STPG2: variants seen among roughly 807,000 people sequenced by gnomAD.
STPG2 encodes the protein sperm tail PG-rich repeat containing 2.
STPG2 carries 56 observed loss-of-function variants against 54.2 expected under a neutral mutation model. The observed-to-expected ratio is 1.03, with a 90% CI of 0.83 to 1.29. The LOEUF (loss-of-function observed/expected upper bound fraction) is 1.29. Ranked by LOEUF, STPG2 falls within the 50% of genes most tolerant of loss-of-function variation. The pLI is 0.00. For synonymous variants in STPG2, 200 were observed against 181.8 expected (o/e 1.10, Z -0.81); for missense variants, 596 against 544.9 (o/e 1.09, Z -0.93).
In STPG2 at chr4:97,606,920, T is replaced by C. The variant is rs1452061950; in HGVS notation, c.1321-47803A>G. On this transcript the variant is annotated intron_variant, in intron 10 of 10. Transcript: ENST00000295268. ...TAAATTTCAAATGTACTGGCACTTA[T>C]AGGCTAAAATTCATATCAGATGTAC... 4.6e-5 allele frequency among the ~76,000 whole-genome samples: 7 copies of C among 152,148 alleles called. No individual in the cohort carries two copies. The South Asian group carries it at 6.2e-4, about 14-fold the overall frequency.
At chr4:97,714,637 G>A (rs1310662040) in intron 9 of STPG2, among the ~76,000 whole-genome samples, 3 of 152,006 alleles carry the variant, frequency 2.0e-5, no homozygotes, top group African/African-American at 2.4e-5. Flanking sequence ...TATTTATAGT[G>A]CAGAGGAATA....
chr4:97,546,655 C>T (rs994066772), intron 4 of STPG2, among the ~76,000 whole-genome samples: 1 of 152,018 alleles, frequency 6.6e-6, no homozygotes, highest in African/African-American at 2.4e-5. Context: ...TTATTTGCAT[C>T]CAATGTTGCT....
At chr4:97,961,320 A>C (rs1733881345) in intron 7 of STPG2, among the ~76,000 whole-genome samples, 1 of 152,124 alleles carries the variant, frequency 6.6e-6, no homozygotes, top group Non-Finnish European at 1.5e-5. Context: ...AGAACCCAAA[A>C]ACAAATGCAA....
At chr4:97,983,235 T>G (rs1370573881) in intron 5 of STPG2, among the ~76,000 whole-genome samples, 1 of 152,246 alleles carries the variant, frequency 6.6e-6, no homozygotes. Context: ...CTCTTCCTTG[T>G]GATTTTTTAA....
chr4:97,461,846 T>C (rs1444197853), intron 4 of STPG2, among the ~76,000 whole-genome samples: 1 of 152,184 alleles, frequency 6.6e-6, no homozygotes, highest in Non-Finnish European at 1.5e-5. Context: ...CATTTCTAGA[T>C]TCATTTCTAG....
At chr4:97,755,736 GCTCT>G (rs754039520) in intron 9 of STPG2, among the ~76,000 whole-genome samples, 7 of 152,066 alleles carry the variant, frequency 4.6e-5, no homozygotes, top group East Asian at 1.9e-4. Flanking sequence ...CTGATCAAAA[GCTCT>G]CTCTAAGTTT....
chr4:97,996,903 G>C (rs1223748882), intron 5 of STPG2, among the ~76,000 whole-genome samples: 1 of 152,164 alleles, frequency 6.6e-6, no homozygotes, highest in Non-Finnish European at 1.5e-5. Context: ...TTTCACACTG[G>C]TCAGGATGGC....
At chr4:97,802,794 G>C (rs142292837) in intron 9 of STPG2, among the ~76,000 whole-genome samples, 2 of 151,910 alleles carry the variant, frequency 1.3e-5, no homozygotes, top group African/African-American at 2.4e-5. Flanking sequence ...ATTAAACCAC[G>C]TATACATATT....
rs868399779 is a variant in STPG2 at position 97,687,485 on chromosome 4, G to A, written c.1320+25214C>T. ...TTCCAGAATAGCTGGGATTACAGGC[G>A]CATGCCACCATGCCCAGCTAATTTT... On this transcript the variant is annotated intron_variant, in intron 10 of 10. Transcript: ENST00000295268. Among the ~76,000 whole-genome samples the A allele has an allele frequency of 2.3e-4, 35 of 151,974 alleles. 1 individual carries two copies. In the Middle Eastern group the frequency reaches 0.01, roughly 44 times the overall value.
At chr4:97,933,935 A>G (rs1354695874) in intron 8 of STPG2, among the ~76,000 whole-genome samples, 1 of 152,222 alleles carries the variant, frequency 6.6e-6, no homozygotes, top group Non-Finnish European at 1.5e-5. Flanking sequence ...ATAGCATTGA[A>G]TCTATAAATT....
At chr4:98,028,699 C>T (rs754657027) in intron 5 of STPG2, among the ~76,000 whole-genome samples, 1 of 152,070 alleles carries the variant, frequency 6.6e-6, no homozygotes, top group African/African-American at 2.4e-5. Flanking sequence ...TTTATTTCAC[C>T]TACTTCCACT....
chr4:97,979,727 T>TC (rs1372699226), intron 6 of STPG2, among the ~76,000 whole-genome samples: 2 of 150,320 alleles, frequency 1.3e-5, no homozygotes, highest in Admixed American at 1.3e-4. Context: ...TTCCACAATT[T>TC]CTTTTTTTTT....
At chr4:97,868,737 G>A (rs1729879860) in intron 8 of STPG2, among the ~76,000 whole-genome samples, 1 of 151,882 alleles carries the variant, frequency 6.6e-6, no homozygotes, top group South Asian at 2.1e-4. Context: ...CTGTTAGAAT[G>A]TATATCTGAG....
In STPG2 at chr4:97,558,997, T is replaced by A; in HGVS notation, c.*61A>T. Reference sequence around the variant, plus strand: ...ATATTTGGAATAAATTTTGTTAAAATGACAAAGAAATAAACTGACTTCCAT... The same window carrying A: ...ATATTTGGAATAAATTTTGTTAAAAAGACAAAGAAATAAACTGACTTCCAT... On this transcript the variant is annotated 3_prime_UTR_variant, in exon 11 of 11. Coordinates refer to ENST00000295268, the MANE Select transcript of STPG2 (RefSeq NM_174952.3). 7.3e-7 allele frequency: 1 copy of A among 1,374,260 alleles called. No individual in the cohort carries two copies. Among genetic ancestry groups the A allele is most frequent in the Non-Finnish European group, 1.0e-6 (1 of 985,288 alleles). The allele number at this position is 1,374,260 out of a possible 1,614,324, so 85.1% of individuals were successfully genotyped here.
chr4:97,989,817 A>G (rs879437998), intron 5 of STPG2, among the ~76,000 whole-genome samples: 2 of 152,238 alleles, frequency 1.3e-5, no homozygotes, highest in Non-Finnish European at 2.9e-5. Context: ...TTCACCTACC[A>G]GGTGGGACAA....
In STPG2 at chr4:97,498,345, GTCCATGT is replaced by G. The variant is rs1398884008; in HGVS notation, c.462+214347_462+214353del. On this transcript the variant is annotated intron_variant, in intron 4 of 4. Transcript: ENST00000522676. ...GATGTTAAAAGAATTTTAATACAAA[GTCCATGT>G]TCCTCAAATTTCATAATAAATTTAA... Among the ~76,000 whole-genome samples the G allele has an allele frequency of 1.5e-4, 23 of 151,958 alleles. 1 individual carries two copies. Among genetic ancestry groups the G allele is most frequent in the Admixed American group, 1.2e-3 (19 of 15,216 alleles).
intron 10 of STPG2, among the ~76,000 whole-genome samples, chr4:97,581,513 T>C (rs942168734): frequency 6.6e-6 from 1 of 152,158 alleles, no homozygotes; most frequent in Non-Finnish European, 1.5e-5. Flanking sequence ...CTAATAATGA[T>C]GATAGTTACA....
chr4:97,829,722 A>C (rs1343548671), intron 9 of STPG2, among the ~76,000 whole-genome samples: 2 of 152,138 alleles, frequency 1.3e-5, no homozygotes, highest in Non-Finnish European at 2.9e-5. Flanking sequence ...GAATTTCATG[A>C]AGCATATACA....
rs537105979 is a variant in STPG2 at position 97,858,750 on chromosome 4, T to C, written c.1045-17818A>G. Among the ~76,000 whole-genome samples, 7 of 152,298 alleles carry C rather than the reference T, an allele frequency of 4.6e-5. No homozygotes were observed. The East Asian group carries it at 1.3e-3, about 29-fold the overall frequency. ...TATTTCATTTCTTTTCATTGCTGAG[T>C]AGTATTCCATGGTGTACGTATACCA... On this transcript the variant is annotated intron_variant, in intron 8 of 10. Transcript: ENST00000295268.
Sources: gnomAD v4.1 joint callset for allele counts (sites outside exome capture counted in the v4.1 genomes callset) on GRCh38, gnomAD v4.1.1 for gene constraint, MANE v1.5 for transcripts, NCBI Gene and HGNC (gene_info 2026-07-23, HGNC 2026-07-21) for gene names.